RAB23: variants seen among roughly 807,000 people sequenced by gnomAD.
RAB23 encodes RAB23, member RAS oncogene family.
A neutral mutation model predicts 30.0 loss-of-function variants in RAB23; 15 were observed. The ratio of observed to expected loss-of-function variants is 0.50; its 90% CI spans 0.33 to 0.77. RAB23 has a LOEUF of 0.77. Among genes scored for constraint, RAB23 ranks in the 30% least tolerant of loss-of-function variants. The pLI is 0.02. For synonymous variants in RAB23, 93 were observed against 94.0 expected, an observed-to-expected ratio of 0.99 and a Z score of 0.06; for missense variants, 243 against 275.4, an observed-to-expected ratio of 0.88 and a Z score of 0.83.
intron 4 of RAB23, among the ~76,000 whole-genome samples, chr6:57,195,634 C>T (rs1456889504): frequency 1.3e-5 from 2 of 152,164 alleles, no homozygotes; most frequent in Non-Finnish European, 2.9e-5. Flanking sequence ...GAAATAGCTG[C>T]CGTGTTGTGA....
intron 3 of RAB23, among the ~76,000 whole-genome samples, chr6:57,200,314 G>A (rs532609208): frequency 9.2e-5 from 14 of 151,554 alleles, no homozygotes; most frequent in South Asian, 8.4e-4. Flanking sequence ...TGAGGTGGGC[G>A]GATCACGAGG....
chr6:57,196,412 A>G (rs1765023461), intron 4 of RAB23, 38 bp downstream of exon 4: 2 of 1,611,076 alleles, frequency 1.2e-6, no homozygotes. Context: ...AACTTTATAG[A>G]ATTACTGTCC....
chr6:57,215,655 T>C (rs984152671), intron 1 of RAB23, among the ~76,000 whole-genome samples: 30 of 152,208 alleles, frequency 2.0e-4, no homozygotes, highest in African/African-American at 7.2e-4. Context: ...ATGGAAGTTC[T>C]CAGTGGAAAA....
chr6:57,208,516 G>A (rs896012362), intron 2 of RAB23, among the ~76,000 whole-genome samples: 54 of 150,962 alleles, frequency 3.6e-4, no homozygotes, highest in African/African-American at 1.3e-3. Flanking sequence ...GTGTGGTGGT[G>A]CATGCCTGTA....
At chr6:57,199,919 T>G (rs1765178095) in intron 3 of RAB23, among the ~76,000 whole-genome samples, 2 of 152,290 alleles carry the variant, frequency 1.3e-5, no homozygotes, top group African/African-American at 4.8e-5. Flanking sequence ...ACAGATAAAA[T>G]ACTTTGTCAA....
intron 3 of RAB23, among the ~76,000 whole-genome samples, chr6:57,197,441 T>C (rs1765067285): frequency 6.6e-6 from 1 of 152,152 alleles, no homozygotes; most frequent in Admixed American, 6.6e-5. Flanking sequence ...AAAGCAGGCA[T>C]GTAAGCAACA....
At position 57,189,001 on chromosome 6, in the gene RAB23, A is replaced by AAGTT. The variant is rs1764725953; in HGVS notation, c.*1456_*1459dup. ...ATGACTTCATGACATTTTCCAATAA[A>AAGTT]AGTTATTTTTACAGATTTTGCAATG... On this transcript the variant is annotated 3_prime_UTR_variant, in exon 7 of 7. Coordinates refer to ENST00000468148, the MANE Select transcript of RAB23 (RefSeq NM_016277.5). 6.6e-6 allele frequency: 1 copy of AAGTT among 151,630 alleles called. No individual in the cohort carries two copies. Among genetic ancestry groups the AAGTT allele is most frequent in the East Asian group, 1.9e-4 (1 of 5,184 alleles). 9.4% of individuals were successfully genotyped at this position (151,630 alleles called of 1,614,324 possible).
chr6:57,200,313 C>T (rs1004337370), intron 3 of RAB23, among the ~76,000 whole-genome samples: 14 of 150,676 alleles, frequency 9.3e-5, no homozygotes, highest in African/African-American at 3.2e-4. Context: ...CTGAGGTGGG[C>T]GGATCACGAG....
At chr6:57,213,930 A>G (rs1415068497) in intron 1 of RAB23, among the ~76,000 whole-genome samples, 1 of 151,886 alleles carries the variant, frequency 6.6e-6, no homozygotes, top group East Asian at 1.9e-4. Context: ...ATGCACCCCA[A>G]CTCCCTCTAT....
At chr6:57,213,437 T>TC (rs1765729349) in intron 1 of RAB23, among the ~76,000 whole-genome samples, 1 of 152,198 alleles carries the variant, frequency 6.6e-6, no homozygotes, top group Non-Finnish European at 1.5e-5. Context: ...CCCTTGTTCA[T>TC]CCAGCTGTAT....
At chr6:57,209,269 A>C (rs1009452896) in intron 2 of RAB23, among the ~76,000 whole-genome samples, 5 of 152,226 alleles carry the variant, frequency 3.3e-5, no homozygotes, top group African/African-American at 1.2e-4. Context: ...CCACAAATGT[A>C]CTACAAATAC....
intron 5 of RAB23, among the ~76,000 whole-genome samples, chr6:57,194,495 T>G (rs1764946820): frequency 1.3e-5 from 2 of 152,074 alleles, no homozygotes; most frequent in South Asian, 2.1e-4. Flanking sequence ...CAGGTATGCA[T>G]CAAAACCACA....
At chr6:57,198,477 G>T (rs1243261946) in intron 3 of RAB23, among the ~76,000 whole-genome samples, 1 of 152,000 alleles carries the variant, frequency 6.6e-6, no homozygotes, top group African/African-American at 2.4e-5. Flanking sequence ...TCGCGCCACT[G>T]CAAGACCAGC....
At chr6:57,217,743 A>G (rs1026956389) in intron 1 of RAB23, among the ~76,000 whole-genome samples, 1 of 152,236 alleles carries the variant, frequency 6.6e-6, no homozygotes, top group Admixed American at 6.5e-5. Flanking sequence ...AAAGGAAGAT[A>G]CTAAAAAAGA....
rs550030208 is a variant in RAB23 at position 57,191,406 on chromosome 6, TAAC to T, written c.575-809_575-807del. 2.1e-4 allele frequency among the ~76,000 whole-genome samples: 32 copies of T among 152,344 alleles called. No individual in the cohort carries two copies. The South Asian group carries it at 6.2e-3, about 30-fold the overall frequency. ...ACACAATGTTCTGCATCTTTTGACT[TAAC>T]AATTTATCTTTGACGTTTGGAATCA... On this transcript the variant is annotated intron_variant, in intron 6 of 6. Transcript: ENST00000468148.
chr6:57,205,994 A>T (rs901453611), intron 3 of RAB23, among the ~76,000 whole-genome samples: 1 of 152,244 alleles, frequency 6.6e-6, no homozygotes, highest in Non-Finnish European at 1.5e-5. Flanking sequence ...TTGAGTAAAA[A>T]ACACTGAGAG....
chr6:57,212,039 T>C (rs1043760322), intron 1 of RAB23, among the ~76,000 whole-genome samples: 3 of 152,228 alleles, frequency 2.0e-5, no homozygotes, highest in Non-Finnish European at 4.4e-5. Flanking sequence ...TCTGGGTCTC[T>C]GCCTCAGGCA....
At chr6:57,195,874 T>G (rs1035220868) in intron 4 of RAB23, among the ~76,000 whole-genome samples, 4 of 152,198 alleles carry the variant, frequency 2.6e-5, no homozygotes, top group African/African-American at 4.8e-5. Flanking sequence ...AGTTTTGGGC[T>G]AATTTGTTAC....
At chr6:57,208,126 T>A (rs535340550) in intron 2 of RAB23, among the ~76,000 whole-genome samples, 13 of 152,314 alleles carry the variant, frequency 8.5e-5, no homozygotes, top group African/African-American at 2.6e-4. Flanking sequence ...GTTGATATCA[T>A]TATCAACAGT....
Sources: allele counts gnomAD v4.1 joint callset (sites outside exome capture counted in the v4.1 genomes callset), GRCh38; gene constraint gnomAD v4.1.1; transcripts MANE v1.5; gene names NCBI Gene and HGNC (gene_info 2026-07-23, HGNC 2026-07-21).